Variants in YAF2 observed in about 807,000 individuals in gnomAD.
YAF2 encodes YY1 associated factor 2, also known as YY1-associated factor 2.
YAF2 carries 7 observed loss-of-function variants against 20.1 expected under a neutral mutation model. That is an observed-to-expected ratio of 0.35 (90% CI 0.20 to 0.65). The LOEUF is 0.65. Among genes scored for constraint, YAF2 ranks in the 30% least tolerant of loss-of-function variants. YAF2 has a pLI of 0.69. For missense variants in YAF2, 151 were observed against 219.2 expected (o/e 0.69, Z 1.96); for synonymous variants, 74 against 76.0 (o/e 0.97, Z 0.14).
chr12:42,225,849 T>C (rs1023735834), intron 2 of YAF2, among the ~76,000 whole-genome samples: 2 of 152,222 alleles, frequency 1.3e-5, no homozygotes, highest in Non-Finnish European at 2.9e-5. Context: ...TAGGACTGTT[T>C]TGGGTATACA....
chr12:42,183,253 G>A (rs955035887), intron 2 of YAF2, among the ~76,000 whole-genome samples: 1 of 151,934 alleles, frequency 6.6e-6, no homozygotes, highest in East Asian at 1.9e-4. Flanking sequence ...TTAAAATTTG[G>A]CCAATCAATA....
intron 2 of YAF2, among the ~76,000 whole-genome samples, chr12:42,169,459 G>C (rs1250670650): frequency 2.0e-5 from 3 of 151,886 alleles, no homozygotes; most frequent in Admixed American, 6.6e-5. Flanking sequence ...TGTCCCCCAG[G>C]CTGGAGTGCA....
intron 2 of YAF2, among the ~76,000 whole-genome samples, chr12:42,230,399 A>T (rs1233357634): frequency 6.6e-6 from 1 of 152,224 alleles, no homozygotes; most frequent in Non-Finnish European, 1.5e-5. Context: ...AAGGTAGTTT[A>T]GGGATAGATT....
intron 2 of YAF2, among the ~76,000 whole-genome samples, chr12:42,198,886 T>C (rs562467616): frequency 6.6e-6 from 1 of 152,298 alleles, no homozygotes; most frequent in South Asian, 2.1e-4. Flanking sequence ...CAACTACATG[T>C]GGGTACTGAG....
intron 2 of YAF2, among the ~76,000 whole-genome samples, chr12:42,229,271 C>G (rs2067899945): frequency 8.1e-6 from 1 of 123,212 alleles, no homozygotes; most frequent in Admixed American, 8.3e-5. Context: ...GACACAAACA[C>G]TGCGGAAGGC....
chr12:42,188,981 T>G (rs1356657253), intron 2 of YAF2, among the ~76,000 whole-genome samples: 1 of 152,126 alleles, frequency 6.6e-6, no homozygotes, highest in Non-Finnish European at 1.5e-5. Context: ...ATATGAGAAG[T>G]AGGTAATGCT....
At chr12:42,185,288 GCTT>G (rs1565613982) in intron 2 of YAF2, among the ~76,000 whole-genome samples, 2 of 152,238 alleles carry the variant, frequency 1.3e-5, no homozygotes, top group Non-Finnish European at 2.9e-5. Context: ...ATGAGGAGTT[GCTT>G]ATTACAGATA....
intron 2 of YAF2, among the ~76,000 whole-genome samples, chr12:42,224,979 T>A (rs1248920295): frequency 1.3e-5 from 2 of 152,310 alleles, no homozygotes; most frequent in African/African-American, 4.8e-5. Context: ...TTGAACTAAT[T>A]TACACTCCCA....
chr12:42,179,729 A>G lies in YAF2; in HGVS notation c.153-17964T>C, dbSNP rs985490151. 3.1e-4 allele frequency among the ~76,000 whole-genome samples: 45 copies of G among 145,234 alleles called. 1 individual carries two copies. The highest frequency in any genetic ancestry group is 5.1e-4 in the Non-Finnish European group (34 of 66,736). On this transcript the variant is annotated intron_variant, in intron 2 of 3. Coordinates refer to ENST00000534854, the MANE Select transcript of YAF2 (RefSeq NM_005748.6). ...AGCCCAGGAGGTTGAGGCTGCAGTG[A>G]GCCATGACTGCACCACTACACTCCA...
chr12:42,237,553 C>G, intron 2 of YAF2, 46 bp downstream of exon 2: 1 of 1,478,738 alleles, frequency 6.8e-7, no homozygotes, highest in Non-Finnish European at 9.0e-7. Flanking sequence ...GTCCTCTGGT[C>G]GCCACCCCGC....
chr12:42,163,109 G>A (rs1032582480), intron 2 of YAF2, among the ~76,000 whole-genome samples: 7 of 152,120 alleles, frequency 4.6e-5, no homozygotes, highest in African/African-American at 1.2e-4. Context: ...TAGAGCCCAA[G>A]AAACTGTATT....
intron 2 of YAF2, among the ~76,000 whole-genome samples, chr12:42,225,722 G>A (rs34289722): frequency 0.17 from 25,799 of 152,098 alleles, 2,712 homozygotes; most frequent in East Asian, 0.27. Flanking sequence ...ACTCTGTTCT[G>A]TTCTATCGGT....
At chr12:42,198,504 T>C (rs2066813232) in intron 2 of YAF2, among the ~76,000 whole-genome samples, 1 of 152,202 alleles carries the variant, frequency 6.6e-6, no homozygotes, top group East Asian at 1.9e-4. Context: ...AAGAATTGCT[T>C]GAGCCCAAGA....
At chr12:42,210,303 C>A in intron 2 of YAF2, 1 of 1,297,490 alleles carries the variant, frequency 7.7e-7, no homozygotes, top group Non-Finnish European at 1.0e-6. Flanking sequence ...TCTCAAGGGA[C>A]AAAATTTGGG....
intron 3 of YAF2, 85 bp from the exon 4 acceptor site, chr12:42,160,911 G>C: frequency 1.7e-6 from 2 of 1,174,748 alleles, no homozygotes; most frequent in South Asian, 3.1e-5. Context: ...AGTGGTAAAA[G>C]TAACAAAATG....
chr12:42,163,321 A>C (rs992909465), intron 2 of YAF2, among the ~76,000 whole-genome samples: 2 of 152,224 alleles, frequency 1.3e-5, no homozygotes, highest in Non-Finnish European at 1.5e-5. Flanking sequence ...GTCTGATTTT[A>C]TCCTTAAGTG....
chr12:42,190,817 T>A (rs2066593696), intron 2 of YAF2, among the ~76,000 whole-genome samples: 1 of 152,106 alleles, frequency 6.6e-6, no homozygotes, highest in Non-Finnish European at 1.5e-5. Context: ...GTTTTGGGAT[T>A]TGGAAAGGTT....
chr12:42,203,795 A>G (rs2066964835), intron 2 of YAF2, among the ~76,000 whole-genome samples: 1 of 152,172 alleles, frequency 6.6e-6, no homozygotes, highest in South Asian at 2.1e-4. Context: ...TCTAGATTTA[A>G]ATGCTAAACT....
chr12:42,229,852 A>AC (rs2067925148), intron 2 of YAF2, among the ~76,000 whole-genome samples: 1 of 152,190 alleles, frequency 6.6e-6, no homozygotes, highest in South Asian at 2.1e-4. Context: ...ATTTTATGGG[A>AC]CTGTATATGT....
Sources: gnomAD v4.1 joint callset for allele counts (sites outside exome capture counted in the v4.1 genomes callset) on GRCh38, gnomAD v4.1.1 for gene constraint, MANE v1.5 for transcripts, NCBI Gene and HGNC (gene_info 2026-07-23, HGNC 2026-07-21) for gene names.